RBFOX3: variants seen among roughly 807,000 people sequenced by gnomAD.
RBFOX3 encodes RNA binding fox-1 homolog 3.
Under a neutral mutation model 48.7 loss-of-function variants are expected in RBFOX3, and 17 were observed. That is an observed-to-expected ratio of 0.35 (90% confidence interval 0.24 to 0.52). RBFOX3 has a LOEUF of 0.52. Ranked by LOEUF, RBFOX3 falls within the 20% of genes least tolerant of loss-of-function variation. The probability of loss-of-function intolerance (pLI) is 0.94; values close to 1 mark genes in which losing one functional copy is unlikely to be tolerated. For synonymous variants in RBFOX3, 212 were observed against 209.5 expected (o/e 1.01, Z -0.10); for missense variants, 382 against 497.5 (o/e 0.77, Z 2.21).
intron 4 of RBFOX3, among the ~76,000 whole-genome samples, chr17:79,179,523 C>A (rs1220746192): frequency 2.6e-5 from 4 of 152,084 alleles, no homozygotes; most frequent in Non-Finnish European, 5.9e-5. Context: ...CAGTCCCTCT[C>A]CCCCGGCCAG....
At chr17:79,517,099 C>T (rs2149940458) in intron 1 of RBFOX3, among the ~76,000 whole-genome samples, 1 of 152,114 alleles carries the variant, frequency 6.6e-6, no homozygotes, top group Non-Finnish European at 1.5e-5. Context: ...CTGAACTGTG[C>T]CCTCAAAATG....
chr17:79,131,377 C>T (rs540441187), intron 4 of RBFOX3, among the ~76,000 whole-genome samples: 4 of 152,362 alleles, frequency 2.6e-5, no homozygotes, highest in South Asian at 2.1e-4. Flanking sequence ...ACAAGCCCCT[C>T]GTCTACCTTC....
chr17:79,187,863 G>C (rs987979073), intron 4 of RBFOX3, among the ~76,000 whole-genome samples: 3 of 151,976 alleles, frequency 2.0e-5, no homozygotes, highest in Non-Finnish European at 4.4e-5. Context: ...ATGGGGGAAG[G>C]TCAGGCTGCG....
At chr17:79,540,006 C>T (rs547307453) in intron 1 of RBFOX3, among the ~76,000 whole-genome samples, 59 of 152,288 alleles carry the variant, frequency 3.9e-4, no homozygotes, top group African/African-American at 1.3e-3. Context: ...TATCTGGCAA[C>T]CCTGGGGACA....
In RBFOX3 at chr17:79,423,298, G is replaced by A. The variant is rs118110280; in HGVS notation, c.-175+59156C>T. ...TGGATTCCTTGACCGTCCTCGCCAC[G>A]CCCCCATCGACCAGGATGCCAGGAG... On this transcript the variant is annotated intron_variant, in intron 2 of 14. Coordinates refer to ENST00000693108, the MANE Select transcript of RBFOX3 (RefSeq NM_001350451.2). This position sits in a 1 kb window ranked among gnomAD's most constrained non-coding sequence, Gnocchi z 4.9. 0.037 allele frequency among the ~76,000 whole-genome samples: 5,630 copies of A among 152,180 alleles called. 153 individuals are homozygous for A. The highest frequency in any genetic ancestry group is 0.07 in the South Asian group (336 of 4,810).
At chr17:79,262,098 T>C (rs1421534482) in intron 3 of RBFOX3, among the ~76,000 whole-genome samples, 1 of 152,274 alleles carries the variant, frequency 6.6e-6, no homozygotes, top group African/African-American at 2.4e-5. Context: ...TGAGATTCCC[T>C]TTCTCTGCCT....
chr17:79,144,673 T>C (rs2042657154), intron 4 of RBFOX3, among the ~76,000 whole-genome samples: 1 of 152,176 alleles, frequency 6.6e-6, no homozygotes, highest in Non-Finnish European at 1.5e-5. Flanking sequence ...CAATCCTGCC[T>C]ATGTCCCCGA....
rs1000649938 is a variant in RBFOX3, at chr17:79,551,814, T to C, written c.-320+59012A>G. ...CCTTCCGCTGTGATTGTAAGCTTCT[T>C]GCAGCCCTCACTAGAAACAGATGCC... On this transcript the variant is annotated intron_variant, in intron 1 of 14. Coordinates refer to ENST00000693108, the MANE Select transcript of RBFOX3 (RefSeq NM_001350451.2). Among the ~76,000 whole-genome samples, 3 of 152,312 alleles carry C rather than the reference T, an allele frequency of 2.0e-5. No homozygotes were observed. The South Asian group carries it at 6.2e-4, about 32-fold the overall frequency.
intron 1 of RBFOX3, among the ~76,000 whole-genome samples, chr17:79,559,644 T>C (rs1303592390): frequency 5.1e-5 from 2 of 39,210 alleles, no homozygotes; most frequent in African/African-American, 1.2e-4. Context: ...TGGTGAATAG[T>C]GGATGGGTGG....
intron 1 of RBFOX3, among the ~76,000 whole-genome samples, chr17:79,488,910 AT>A (rs2080064135): frequency 2.0e-5 from 3 of 152,246 alleles, no homozygotes; most frequent in Non-Finnish European, 4.4e-5. Flanking sequence ...TGAAAGAGCC[AT>A]TTAGGGACAT....
chr17:79,241,564 A>C (rs1021385672), intron 3 of RBFOX3, among the ~76,000 whole-genome samples: 3 of 152,146 alleles, frequency 2.0e-5, no homozygotes, highest in Non-Finnish European at 2.9e-5. Context: ...TGTGCTGAGG[A>C]AGGTTCCACT....
At chr17:79,620,220 G>GACATGCACACACGC in the RBFOX3 span, among the ~76,000 whole-genome samples, 1 of 104,168 alleles carries the variant, frequency 9.6e-6, no homozygotes, top group South Asian at 2.9e-4. Context: ...CACACACAGG[G>GACATGCACACACGC]ACATGCACAC....
chr17:79,475,059 G>T (rs2077538011), intron 2 of RBFOX3, among the ~76,000 whole-genome samples: 1 of 152,170 alleles, frequency 6.6e-6, no homozygotes, highest in Admixed American at 6.5e-5. Flanking sequence ...CCCAAAACTT[G>T]CAGCACGAAC....
At chr17:79,559,045 A>C (rs1017154672) in intron 1 of RBFOX3, among the ~76,000 whole-genome samples, 10 of 152,144 alleles carry the variant, frequency 6.6e-5, no homozygotes, top group Non-Finnish European at 1.3e-4. Context: ...AGCCCTGGCC[A>C]GGCTGGTCTC....
At chr17:79,114,643 C>T (rs926477138) in intron 5 of RBFOX3, among the ~76,000 whole-genome samples, 7 of 152,218 alleles carry the variant, frequency 4.6e-5, no homozygotes, top group African/African-American at 1.4e-4. Flanking sequence ...GTGCCACTCC[C>T]GGGCAGTGCA....
At chr17:79,149,342 G>A (rs998684874) in intron 4 of RBFOX3, among the ~76,000 whole-genome samples, 2 of 152,178 alleles carry the variant, frequency 1.3e-5, no homozygotes, top group Non-Finnish European at 2.9e-5. Flanking sequence ...GCAGTGGGGG[G>A]AGTGGGGGCA....
the RBFOX3 span, among the ~76,000 whole-genome samples, chr17:79,625,132 T>C: frequency 6.6e-6 from 1 of 152,132 alleles, no homozygotes; most frequent in African/African-American, 2.4e-5. Context: ...GGTTTCCTCC[T>C]GCCCTGATGT....
intron 3 of RBFOX3, among the ~76,000 whole-genome samples, chr17:79,262,045 T>A (rs923464183): frequency 6.6e-6 from 1 of 152,262 alleles, no homozygotes; most frequent in African/African-American, 2.4e-5. Flanking sequence ...CTTTTGAGGT[T>A]TGAGATTCCT....
intron 2 of RBFOX3, among the ~76,000 whole-genome samples, chr17:79,345,023 G>A (rs1482420622): frequency 6.6e-6 from 1 of 152,198 alleles, no homozygotes; most frequent in Non-Finnish European, 1.5e-5. Context: ...CTGGAAACAA[G>A]TTTTTCTTTG....
Sources: allele counts gnomAD v4.1 joint callset (sites outside exome capture counted in the v4.1 genomes callset), GRCh38; gene constraint gnomAD v4.1.1; non-coding constraint Gnocchi (gnomAD v3.1); transcripts MANE v1.5; gene names NCBI Gene and HGNC (gene_info 2026-07-23, HGNC 2026-07-21).